The following ZNF480 variants were observed in gnomAD, a reference collection of about 807,000 sequenced individuals.
ZNF480 encodes zinc finger protein 480.
ZNF480 carries 15 observed loss-of-function variants against 14.4 expected under a neutral mutation model. The observed-to-expected ratio is 1.04, with a 90% CI of 0.70 to 1.60. ZNF480 has a LOEUF of 1.60. Among genes scored for constraint, ZNF480 ranks in the 40% most tolerant of loss-of-function variants. The pLI, the probability that ZNF480 is intolerant of heterozygous loss-of-function variation, is 0.00. For missense variants in ZNF480, 593 were observed against 629.7 expected (o/e 0.94, Z 0.62); for synonymous variants, 218 against 215.5 (o/e 1.01, Z -0.10).
At chr19:52,311,093 TTC>T (rs1170062844) in intron 2 of ZNF480, among the ~76,000 whole-genome samples, 1 of 151,904 alleles carries the variant, frequency 6.6e-6, no homozygotes, top group Non-Finnish European at 1.5e-5. Flanking sequence ...TTAATAAATT[TTC>T]TGTCATGTAT....
At chr19:52,308,716 C>A (rs1983112147) in intron 2 of ZNF480, 1 of 152,120 alleles carries the variant, frequency 6.6e-6, no homozygotes, top group Admixed American at 6.5e-5. Context: ...GTGCCTCTCA[C>A]AGAGACCGAT....
intron 4 of ZNF480, among the ~76,000 whole-genome samples, chr19:52,318,884 GA>G (rs987020235): frequency 3.3e-5 from 5 of 151,764 alleles, no homozygotes; most frequent in African/African-American, 1.2e-4. Flanking sequence ...TGCATGGGGG[GA>G]TGGATTCTCG....
intron 1 of ZNF480, chr19:52,297,926 G>C (rs1350823632): frequency 1.3e-5 from 2 of 152,234 alleles, no homozygotes; most frequent in Admixed American, 6.6e-5. Flanking sequence ...TTTTGAAGGA[G>C]AAAAGAAGAT....
chr19:52,321,263 T>G (rs971225297), intron 4 of ZNF480, among the ~76,000 whole-genome samples: 1 of 152,190 alleles, frequency 6.6e-6, no homozygotes, highest in African/African-American at 2.4e-5. Context: ...TTATGTATAC[T>G]GCTTCTCTTG....
At chr19:52,300,824 A>G in intron 2 of ZNF480, 1 of 314,922 alleles carries the variant, frequency 3.2e-6, no homozygotes, top group African/African-American at 2.1e-5. Flanking sequence ...AACTAAAAGC[A>G]TTCCTTATGG....
At chr19:52,316,078 A>G in intron 4 of ZNF480, 116 bp downstream of exon 4, 1 of 1,130,082 alleles carries the variant, frequency 8.8e-7, no homozygotes, top group Non-Finnish European at 1.2e-6. Flanking sequence ...TGTTTTTGAG[A>G]TGGAGTTTCA....
intron 1 of ZNF480, 63 bp from the exon 2 acceptor site, chr19:52,300,331 A>C: frequency 6.4e-7 from 1 of 1,553,260 alleles, no homozygotes; most frequent in Non-Finnish European, 8.8e-7. Flanking sequence ...TGTGTGTGTG[A>C]TTGTGGCACA....
intron 2 of ZNF480, among the ~76,000 whole-genome samples, chr19:52,310,096 C>T (rs1004587149): frequency 1.3e-5 from 2 of 151,676 alleles, no homozygotes; most frequent in Middle Eastern, 3.2e-3. Flanking sequence ...TGCTCTGTCA[C>T]CCAGGCTGGG....
At chr19:52,312,157 T>A (rs1401115609) in intron 2 of ZNF480, among the ~76,000 whole-genome samples, 1 of 151,764 alleles carries the variant, frequency 6.6e-6, no homozygotes, top group South Asian at 2.1e-4. Context: ...TAATTTTTTT[T>A]TTTTTTTTGA....
rs765030300 is a variant in ZNF480, at chr19:52,314,274, C to T, written c.194C>T (p.Ser65Phe). ...VMLENYRNLV[S>F]LGISLPDLNI... ...TTGGAGAACTACAGGAACCTGGTCT[C>T]CCTGGGTGAGGATCATGCCCCTGCA... Residue 65 changes from serine (S) to phenylalanine (F), a missense_variant, in exon 3 of 5, where the codon TCC (serine) becomes TTC (phenylalanine). Physicochemically the swap from Ser to Phe is radical, Grantham distance 155 (BLOSUM62 -2). Coordinates refer to ENST00000595962, the MANE Select transcript of ZNF480 (RefSeq NM_144684.4). 4.5e-6 allele frequency: 7 copies of T among 1,554,318 alleles called. No individual in the cohort carries two copies. The Admixed American group carries it at 1.2e-4, about 27-fold the overall frequency.
intron 2 of ZNF480, chr19:52,301,575 G>A (rs1035648947): frequency 6.6e-6 from 1 of 152,116 alleles, no homozygotes; most frequent in Non-Finnish European, 1.5e-5. Flanking sequence ...GGAGATCATT[G>A]ATTTGATTAG....
intron 4 of ZNF480, among the ~76,000 whole-genome samples, chr19:52,317,791 C>T (rs1983628703): frequency 6.6e-6 from 1 of 152,144 alleles, no homozygotes; most frequent in Non-Finnish European, 1.5e-5. Context: ...TTCAATTTTC[C>T]ACCAACAGTG....
At chr19:52,299,327 C>T (rs983957004) in intron 1 of ZNF480, among the ~76,000 whole-genome samples, 2 of 152,200 alleles carry the variant, frequency 1.3e-5, no homozygotes, top group East Asian at 1.9e-4. Context: ...ACAAGCAATT[C>T]GTCAGACACC....
intron 3 of ZNF480, among the ~76,000 whole-genome samples, chr19:52,315,354 C>T (rs1453319185): frequency 6.6e-6 from 1 of 150,630 alleles, no homozygotes; most frequent in Non-Finnish European, 1.5e-5. Flanking sequence ...GTGTTTCACT[C>T]TTGGAGGCTG....
At chr19:52,312,867 C>A (rs143809032) in intron 2 of ZNF480, among the ~76,000 whole-genome samples, 223 of 152,068 alleles carry the variant, frequency 1.5e-3, no homozygotes, top group African/African-American at 5.2e-3. Context: ...GTAGCCCAGG[C>A]TGTAGTGCAG....
At chr19:52,320,302 GTCTA>G (rs1983752465) in intron 4 of ZNF480, among the ~76,000 whole-genome samples, 1 of 151,936 alleles carries the variant, frequency 6.6e-6, no homozygotes, top group African/African-American at 2.4e-5. Context: ...TCATTTAGTT[GTCTA>G]TCTCTCCTTG....
At chr19:52,300,337 G>C in intron 1 of ZNF480, 57 bp from the exon 2 acceptor site, 1 of 1,567,348 alleles carries the variant, frequency 6.4e-7, no homozygotes, top group Non-Finnish European at 8.8e-7. Flanking sequence ...TGTGATTGTG[G>C]CACAGGAAAA....
At chr19:52,303,862 G>A (rs1221748792) in intron 2 of ZNF480, among the ~76,000 whole-genome samples, 1 of 152,132 alleles carries the variant, frequency 6.6e-6, no homozygotes, top group Non-Finnish European at 1.5e-5. Context: ...GATCCTTATG[G>A]TTACTTTCTG....
At chr19:52,318,884 G>A (rs1489684951) in intron 4 of ZNF480, among the ~76,000 whole-genome samples, 1 of 151,764 alleles carries the variant, frequency 6.6e-6, no homozygotes, top group African/African-American at 2.4e-5. Flanking sequence ...TGCATGGGGG[G>A]ATGGATTCTC....
Sources: allele counts gnomAD v4.1 joint callset (sites outside exome capture counted in the v4.1 genomes callset), GRCh38; gene constraint gnomAD v4.1.1; transcripts MANE v1.5; gene names NCBI Gene and HGNC (gene_info 2026-07-23, HGNC 2026-07-21).